Variants in RPS6KA2 observed in about 807,000 individuals in gnomAD.
RPS6KA2 encodes the protein ribosomal protein S6 kinase alpha-2.
RPS6KA2 carries 42 observed loss-of-function variants against 91.8 expected under a neutral mutation model. The observed-to-expected ratio is 0.46, with a 90% CI of 0.36 to 0.59. RPS6KA2 has a LOEUF of 0.59. Among genes scored for constraint, RPS6KA2 ranks in the 20% least tolerant of loss-of-function variants. The probability of loss-of-function intolerance (pLI) is 0.00; values close to 1 mark genes in which losing one functional copy is unlikely to be tolerated. For synonymous variants in RPS6KA2, 414 were observed against 393.6 expected, an observed-to-expected ratio of 1.05 and a Z score of -0.61; for missense variants, 798 against 978.5, an observed-to-expected ratio of 0.82 and a Z score of 2.46.
chr6:166,835,149 T>C (rs538609803), intron 2 of RPS6KA2, among the ~76,000 whole-genome samples: 1 of 152,374 alleles, frequency 6.6e-6, no homozygotes, highest in South Asian at 2.1e-4. Context: ...ATTCATTCCA[T>C]TGACTATGTC....
chr6:166,419,248 C>A lies in RPS6KA2; in HGVS notation c.1820+634G>T, dbSNP rs73267298. 6.6e-5 allele frequency among the ~76,000 whole-genome samples: 10 copies of A among 152,212 alleles called. No individual in the cohort carries two copies. The highest frequency in any genetic ancestry group is 2.4e-4 in the African/African-American group (10 of 41,452). The stretch of plus-strand genomic sequence containing the variant: ...AAGTATTTAATAAACGTAATAGGAA[C>A]CAGCGGATCTTGTAAGATCCTAGAC... On this transcript the variant is annotated intron_variant, in intron 18 of 20. Coordinates refer to ENST00000265678, the MANE Select transcript of RPS6KA2 (RefSeq NM_021135.6). This position sits in a 1 kb window ranked among gnomAD's most constrained non-coding sequence, Gnocchi z 5.6.
At chr6:166,817,159 A>C (rs914785107) in intron 2 of RPS6KA2, among the ~76,000 whole-genome samples, 4 of 151,920 alleles carry the variant, frequency 2.6e-5, no homozygotes, top group African/African-American at 9.7e-5. Flanking sequence ...GTCAGAAATC[A>C]GACCTGAAGG....
In RPS6KA2 at chr6:166,435,140, A is replaced by C. The variant is rs1779253873; in HGVS notation, c.1333-2650T>G. Among the ~76,000 whole-genome samples the C allele has an allele frequency of 6.6e-6, 1 of 152,242 alleles. No individual in the cohort carries two copies. Among genetic ancestry groups the C allele is most frequent in the Non-Finnish European group, 1.5e-5 (1 of 68,042 alleles). The stretch of plus-strand genomic sequence containing the variant: ...TGCAGGACAACGTGACTATTATTTT[A>C]AAGAATCTGGGACTACAGATGGCTG... On this transcript the variant is annotated intron_variant, in intron 14 of 20. Coordinates refer to ENST00000265678, the MANE Select transcript of RPS6KA2 (RefSeq NM_021135.6). The surrounding 1 kb of genome is among the most constrained non-coding windows in gnomAD (Gnocchi z 4.3).
intron 2 of RPS6KA2, among the ~76,000 whole-genome samples, chr6:166,697,438 T>C (rs773721219): frequency 1.3e-5 from 2 of 152,188 alleles, no homozygotes; most frequent in Non-Finnish European, 2.9e-5. Flanking sequence ...TTCAGATCAA[T>C]GGTATATGAG....
rs1033967253 is a variant in RPS6KA2, at chr6:166,635,005, A to T, written c.124-96221T>A. Among the ~76,000 whole-genome samples, 6 of 152,188 alleles carry T rather than the reference A, an allele frequency of 3.9e-5. No homozygotes were observed. The highest frequency in any genetic ancestry group is 1.4e-4 in the African/African-American group (6 of 41,442). On this transcript the variant is annotated intron_variant, in intron 2 of 21. Coordinates refer to the RPS6KA2 transcript ENST00000503859. The surrounding 1 kb of genome is among the most constrained non-coding windows in gnomAD (Gnocchi z 4.8). The stretch of plus-strand genomic sequence containing the variant: ...AAACTAATATTCAAGAACTAGAACA[A>T]TTTTTTAAAATATGAGGAAAATGAG...
chr6:166,657,643 C>T (rs530086036), intron 2 of RPS6KA2, among the ~76,000 whole-genome samples: 31 of 152,240 alleles, frequency 2.0e-4, no homozygotes, highest in Non-Finnish European at 3.7e-4. Context: ...GGACAGGAGC[C>T]GGACATCTGG....
At chr6:166,840,035 A>G (rs935684054) in intron 2 of RPS6KA2, among the ~76,000 whole-genome samples, 2 of 152,170 alleles carry the variant, frequency 1.3e-5, no homozygotes, top group Non-Finnish European at 2.9e-5. Flanking sequence ...TAACATAAAA[A>G]ATAGATGCCA....
At chr6:166,748,467 C>T (rs78272821) in intron 2 of RPS6KA2, among the ~76,000 whole-genome samples, 3,756 of 152,112 alleles carry the variant, frequency 0.025, 68 homozygotes, top group Middle Eastern at 0.048. Flanking sequence ...GGAAAGATGC[C>T]GGTGCGGGGC....
chr6:166,478,680 C>T (rs563803865), intron 10 of RPS6KA2, among the ~76,000 whole-genome samples: 19 of 152,326 alleles, frequency 1.2e-4, no homozygotes, highest in Admixed American at 2.0e-4. Context: ...GTCCCACAGC[C>T]AAGTGGCAGA....
chr6:166,458,798 C>G (rs564965713), intron 12 of RPS6KA2, among the ~76,000 whole-genome samples: 1 of 152,314 alleles, frequency 6.6e-6, no homozygotes, highest in Non-Finnish European at 1.5e-5. Flanking sequence ...GTTGTTTAAA[C>G]CACACAGTCT....
Position 166,511,568 on chromosome 6 carries a change from C to T in RPS6KA2, c.299-1211G>A, listed in dbSNP as rs1436695240. Among the ~76,000 whole-genome samples, 3 of 152,096 alleles carry T rather than the reference C, an allele frequency of 2.0e-5. No individual in the cohort carries two copies. The East Asian group carries it at 5.8e-4, about 29-fold the overall frequency. On this transcript the variant is annotated intron_variant, in intron 3 of 20. Coordinates refer to ENST00000265678, the MANE Select transcript of RPS6KA2 (RefSeq NM_021135.6). ...TTGAGTAAAAACAGCTTTAGCATTC[C>T]CCTGGGCAAGCTGCTACACCCAGGG...
intron 2 of RPS6KA2, among the ~76,000 whole-genome samples, chr6:166,534,221 C>CA (rs34585369): frequency 0.017 from 1,007 of 58,994 alleles, 20 homozygotes; most frequent in Admixed American, 0.03. Flanking sequence ...GACTCTGTCT[C>CA]AAAAAAAAAA....
intron 2 of RPS6KA2, among the ~76,000 whole-genome samples, chr6:166,649,962 A>G (rs965380366): frequency 6.6e-6 from 1 of 152,134 alleles, no homozygotes; most frequent in Non-Finnish European, 1.5e-5. Flanking sequence ...GTCATTGCGG[A>G]GGGTAGAGAG....
At chr6:166,491,398 C>A (rs1247586445) in intron 8 of RPS6KA2, among the ~76,000 whole-genome samples, 1 of 152,180 alleles carries the variant, frequency 6.6e-6, no homozygotes, top group Non-Finnish European at 1.5e-5. Flanking sequence ...CTCCCCCGGG[C>A]ACATGCAGTG....
intron 2 of RPS6KA2, among the ~76,000 whole-genome samples, chr6:166,692,736 C>G (rs1789247100): frequency 6.6e-6 from 1 of 152,152 alleles, no homozygotes; most frequent in African/African-American, 2.4e-5. Context: ...AAAAACAAAA[C>G]CAAACAACAC....
Position 166,448,615 on chromosome 6 carries a change from C to G in RPS6KA2, c.1332+109G>C, listed in dbSNP as rs965385664. The G allele has an allele frequency of 2.9e-6, 4 of 1,372,264 alleles. No individual in the cohort carries two copies. The highest frequency in any genetic ancestry group is 3.0e-6 in the Non-Finnish European group (3 of 1,016,368). 85.0% of individuals were successfully genotyped at this position (1,372,264 alleles called of 1,614,324 possible). A position where few individuals can be genotyped will look rare whatever the true frequency, so the allele number is the denominator to read the frequency against. ...GCTGTACATGCTCCCACACGCTGCA[C>G]TCACACAGGGCCCTGCTATGCTCCT... On this transcript the variant is annotated intron_variant, in intron 14 of 20. Coordinates refer to ENST00000265678, the MANE Select transcript of RPS6KA2 (RefSeq NM_021135.6). This position sits in a 1 kb window ranked among gnomAD's most constrained non-coding sequence, Gnocchi z 4.7.
intron 2 of RPS6KA2, among the ~76,000 whole-genome samples, chr6:166,810,141 G>A (rs1040951099): frequency 2.0e-5 from 3 of 152,148 alleles, no homozygotes; most frequent in African/African-American, 4.8e-5. Context: ...GAAAACCATC[G>A]GATCTCGTGA....
rs552309043 is a variant in RPS6KA2 at position 166,701,302 on chromosome 6, T to C, written c.123+156898A>G. The C allele has an allele frequency of 5.0e-6, 8 of 1,598,792 alleles. No individual in the cohort carries two copies. The East Asian group carries it at 1.4e-4, about 27-fold the overall frequency. On this transcript the variant is annotated intron_variant, in intron 2 of 21. Coordinates refer to the RPS6KA2 transcript ENST00000503859. ...TGCACTTGACAAATTCTGAAGTTCATTCACCGTTTTGCCTCCTTTTCCAGT... is the reference window on the plus strand; with the variant it reads ...TGCACTTGACAAATTCTGAAGTTCACTCACCGTTTTGCCTCCTTTTCCAGT...
At chr6:166,862,436 G>C (rs940971342) in exon 1 of RPS6KA2, 1 of 1,284,450 alleles carries the variant, frequency 7.8e-7, no homozygotes, top group Middle Eastern at 3.0e-4. Context: ...GGGCTCTGGG[G>C]AGCTGCTGCC....
Sources: gnomAD v4.1 joint callset for allele counts (sites outside exome capture counted in the v4.1 genomes callset) on GRCh38, gnomAD v4.1.1 for gene constraint, Gnocchi (gnomAD v3.1) non-coding constraint, MANE v1.5 for transcripts, NCBI Gene and HGNC (gene_info 2026-07-23, HGNC 2026-07-21) for gene names.